Variants in KLHL29 observed in about 807,000 individuals in gnomAD.
The protein encoded by KLHL29 is kelch like family member 29.
In KLHL29, 21 loss-of-function variants were observed where a neutral mutation model predicts 80.4. The observed-to-expected ratio is 0.26, with a 90% CI of 0.19 to 0.38. The LOEUF is 0.38. KLHL29 is among the 10% of genes least tolerant of loss of function. KLHL29 has a pLI of 1.00. For missense variants in KLHL29, 867 were observed against 1,223.9 expected, an observed-to-expected ratio of 0.71 and a Z score of 4.35; for synonymous variants, 511 against 526.8, an observed-to-expected ratio of 0.97 and a Z score of 0.41.
At chr2:23,456,752 C>CT (rs1380256082) in intron 1 of KLHL29, among the ~76,000 whole-genome samples, 1 of 152,220 alleles carries the variant, frequency 6.6e-6, no homozygotes, top group Non-Finnish European at 1.5e-5. Context: ...ATCCTGGAGT[C>CT]TTCCCCCACC....
In KLHL29 at chr2:23,536,548, G is replaced by A. The variant is rs139192839; in HGVS notation, c.-45-25604G>A. On this transcript the variant is annotated intron_variant, in intron 2 of 13. Transcript: ENST00000486442. ...TGTTCTTTGAATGGCAGAAGGCCTG[G>A]CCCATCAAACTCACAGGCAACCCTT... Among the ~76,000 whole-genome samples the A allele has an allele frequency of 1.9e-3, 284 of 152,296 alleles. 2 individuals carry two copies. The highest frequency in any genetic ancestry group is 6.5e-3 in the African/African-American group (270 of 41,574).
chr2:23,394,921 T>C (rs1267224664), intron 1 of KLHL29, among the ~76,000 whole-genome samples: 2 of 152,204 alleles, frequency 1.3e-5, no homozygotes, highest in Admixed American at 6.5e-5. Flanking sequence ...GAAGATTAAA[T>C]ACTTGAGGAT....
chr2:23,523,520 C>T (rs1453569942), intron 2 of KLHL29, among the ~76,000 whole-genome samples: 2 of 152,196 alleles, frequency 1.3e-5, no homozygotes. Context: ...CTAAGGCTGG[C>T]AGGAATGAAC....
chr2:23,668,158 G>A (rs1236477679), intron 5 of KLHL29: 1 of 152,278 alleles, frequency 6.6e-6, no homozygotes, highest in Non-Finnish European at 1.5e-5. Context: ...GTCTCTGCTT[G>A]TGGATAGCCC....
intron 1 of KLHL29, among the ~76,000 whole-genome samples, chr2:23,449,914 A>G (rs1210398470): frequency 1.3e-5 from 2 of 152,204 alleles, no homozygotes; most frequent in Non-Finnish European, 2.9e-5. Context: ...GGCTCTGCCT[A>G]AATGAAATCA....
rs115603006 is a variant in KLHL29, at chr2:23,436,717, G to A, written c.-153-38843G>A. Reference sequence around the variant, plus strand: ...GCATTGGAGATGCAGCCTGGCTTCCGCAGCCGTGGAGAAAATGAGAATGAT... The same window carrying A: ...GCATTGGAGATGCAGCCTGGCTTCCACAGCCGTGGAGAAAATGAGAATGAT... On this transcript the variant is annotated intron_variant, in intron 1 of 13. Transcript: ENST00000486442. Among the ~76,000 whole-genome samples, 1,255 of 152,344 alleles carry A rather than the reference G, an allele frequency of 8.2e-3. 17 individuals carry two copies. The highest frequency in any genetic ancestry group is 0.026 in the African/African-American group (1,081 of 41,584).
chr2:23,631,957 C>A (rs192147448), intron 3 of KLHL29, among the ~76,000 whole-genome samples: 1 of 152,168 alleles, frequency 6.6e-6, no homozygotes, highest in Non-Finnish European at 1.5e-5. Context: ...TTTCATTGAT[C>A]CCCAGAGTGA....
chr2:23,396,075 T>A (rs1256472806), intron 1 of KLHL29, among the ~76,000 whole-genome samples: 1 of 152,244 alleles, frequency 6.6e-6, no homozygotes, highest in Non-Finnish European at 1.5e-5. Context: ...TTTATAACAA[T>A]TGGGTCTAGA....
chr2:23,398,937 A>G (rs1451713161), intron 1 of KLHL29, among the ~76,000 whole-genome samples: 2 of 152,362 alleles, frequency 1.3e-5, no homozygotes, highest in East Asian at 3.9e-4. Flanking sequence ...GCTGGACCCA[A>G]CATGAATGGC....
At chr2:23,574,270 G>A (rs755946021) in intron 3 of KLHL29, among the ~76,000 whole-genome samples, 11 of 152,130 alleles carry the variant, frequency 7.2e-5, no homozygotes, top group Non-Finnish European at 1.6e-4. Flanking sequence ...CCCTATTTGA[G>A]GGGGCTGCTA....
intron 3 of KLHL29, among the ~76,000 whole-genome samples, chr2:23,608,139 A>C (rs1207883724): frequency 6.6e-6 from 1 of 152,216 alleles, no homozygotes; most frequent in Non-Finnish European, 1.5e-5. Flanking sequence ...AGTAATTTCC[A>C]TCTCCATTCC....
intron 1 of KLHL29, among the ~76,000 whole-genome samples, chr2:23,409,567 T>C (rs1666813276): frequency 6.6e-6 from 1 of 152,246 alleles, no homozygotes; most frequent in African/African-American, 2.4e-5. Flanking sequence ...CCATCAGCAA[T>C]TCCTCTGTGT....
intron 2 of KLHL29, among the ~76,000 whole-genome samples, chr2:23,553,440 C>T (rs1247623723): frequency 6.6e-6 from 1 of 152,226 alleles, no homozygotes; most frequent in Non-Finnish European, 1.5e-5. Context: ...TCCAGAGTTT[C>T]CTGGGTTTCT....
chr2:23,624,538 CA>C (rs539827498), intron 3 of KLHL29, among the ~76,000 whole-genome samples: 33 of 152,322 alleles, frequency 2.2e-4, no homozygotes, highest in African/African-American at 7.5e-4. Context: ...ACTTGACCTG[CA>C]ATTCAGACCA....
chr2:23,438,314 C>A (rs1266109231), intron 1 of KLHL29, among the ~76,000 whole-genome samples: 1 of 151,284 alleles, frequency 6.6e-6, no homozygotes, highest in Non-Finnish European at 1.5e-5. Context: ...CCTTCTCCTG[C>A]CTAATTGCCC....
intron 1 of KLHL29, among the ~76,000 whole-genome samples, chr2:23,464,689 T>C (rs1227780621): frequency 6.6e-6 from 1 of 152,190 alleles, no homozygotes; most frequent in East Asian, 1.9e-4. Context: ...TCTGGATCCT[T>C]CTTTCCTATA....
chr2:23,701,064 T>A (rs1003944557), intron 11 of KLHL29, among the ~76,000 whole-genome samples: 1 of 152,204 alleles, frequency 6.6e-6, no homozygotes, highest in Non-Finnish European at 1.5e-5. Context: ...TCCAATCTGT[T>A]GCCCACAAAT....
At chr2:23,502,434 A>G (rs769649539) in intron 2 of KLHL29, among the ~76,000 whole-genome samples, 1 of 152,218 alleles carries the variant, frequency 6.6e-6, no homozygotes, top group Non-Finnish European at 1.5e-5. Flanking sequence ...CGGGTGTTTC[A>G]GCAGCTCTCC....
At chr2:23,691,905 G>A (rs1319308875) in intron 7 of KLHL29, 29 bp downstream of exon 7, 4 of 1,541,232 alleles carry the variant, frequency 2.6e-6, no homozygotes, top group African/African-American at 1.4e-5. Flanking sequence ...TATGTCGCTT[G>A]GGGGGAAGAG....
Sources: gnomAD v4.1 joint callset for allele counts (sites outside exome capture counted in the v4.1 genomes callset) on GRCh38, gnomAD v4.1.1 for gene constraint, MANE v1.5 for transcripts, NCBI Gene and HGNC (gene_info 2026-07-23, HGNC 2026-07-21) for gene names.